The following KIAA0319L variants were observed in gnomAD, a reference collection of about 807,000 sequenced individuals.
KIAA0319L encodes the protein KIAA0319 like, also known as dyslexia-associated protein KIAA0319-like protein.
A neutral mutation model predicts 120.1 loss-of-function variants in KIAA0319L; 55 were observed. The observed-to-expected ratio is 0.46, with a 90% CI of 0.37 to 0.57. The LOEUF is 0.57. Among genes scored for constraint, KIAA0319L ranks in the 20% least tolerant of loss-of-function variants. KIAA0319L has a pLI of 0.00. For missense variants in KIAA0319L, 1,049 were observed against 1,255.3 expected (o/e 0.84, Z 2.48); for synonymous variants, 398 against 471.9 (o/e 0.84, Z 2.03).
chr1:35,515,784 T>A (rs1645655201), intron 2 of KIAA0319L, among the ~76,000 whole-genome samples: 1 of 151,636 alleles, frequency 6.6e-6, no homozygotes, highest in South Asian at 2.1e-4. Flanking sequence ...CTTGAAAAAA[T>A]TAATAAGATA....
Position 35,462,381 on chromosome 1 carries a change from T to C in KIAA0319L, c.1294+240A>G, listed in dbSNP as rs567383232. Among the ~76,000 whole-genome samples the C allele has an allele frequency of 1.2e-4, 19 of 152,348 alleles. No individual in the cohort carries two copies. In the South Asian group the frequency reaches 3.7e-3, roughly 30 times the overall value. Reference sequence around the variant, plus strand: ...TAATTACATGCATAGTTTCAGTTTCTTACCATCTCAAAGTGGAAATATTAC... The same window carrying C: ...TAATTACATGCATAGTTTCAGTTTCCTACCATCTCAAAGTGGAAATATTAC... On this transcript the variant is annotated intron_variant, in intron 8 of 20. Coordinates refer to ENST00000325722, the MANE Select transcript of KIAA0319L (RefSeq NM_024874.5).
intron 3 of KIAA0319L, among the ~76,000 whole-genome samples, chr1:35,496,946 CCAAAAAAA>C (rs1644831058): frequency 4.7e-5 from 3 of 64,394 alleles, no homozygotes; most frequent in African/African-American, 3.7e-4. Flanking sequence ...GATTGTGTCT[CCAAAAAAA>C]AAAAAAAAAA....
chr1:35,523,604 A>G (rs1243418036), intron 2 of KIAA0319L, among the ~76,000 whole-genome samples: 2 of 152,204 alleles, frequency 1.3e-5, no homozygotes, highest in Non-Finnish European at 2.9e-5. Context: ...TTGGTAGATG[A>G]GTAATGATTA....
intron 18 of KIAA0319L, 36 bp from the exon 19 acceptor site, chr1:35,442,372 G>A (rs1446038226): frequency 1.3e-6 from 2 of 1,512,596 alleles, no homozygotes; most frequent in Admixed American, 3.3e-5. Flanking sequence ...GGCTGTGGAG[G>A]GAGAGGCTGG....
At chr1:35,516,984 G>T (rs1392932948) in intron 2 of KIAA0319L, among the ~76,000 whole-genome samples, 2 of 151,784 alleles carry the variant, frequency 1.3e-5, no homozygotes, top group Non-Finnish European at 2.9e-5. Context: ...AAATACCTAG[G>T]AATACAGGTA....
intron 2 of KIAA0319L, chr1:35,532,948 G>A (rs1646429608): frequency 1.3e-5 from 2 of 152,124 alleles, no homozygotes; most frequent in South Asian, 4.1e-4. Context: ...AAAACAGGAG[G>A]CTCTGGAACT....
intron 3 of KIAA0319L, among the ~76,000 whole-genome samples, chr1:35,498,704 G>A (rs1161670408): frequency 2.0e-5 from 3 of 152,082 alleles, no homozygotes; most frequent in Non-Finnish European, 4.4e-5. Flanking sequence ...AGTCTGTAAC[G>A]CCACACACAG....
At chr1:35,540,677 G>C (rs896728773) in intron 2 of KIAA0319L, among the ~76,000 whole-genome samples, 1 of 152,172 alleles carries the variant, frequency 6.6e-6, no homozygotes, top group Non-Finnish European at 1.5e-5. Flanking sequence ...CTTGGCAGAA[G>C]GTTATTCTAT....
intron 1 of KIAA0319L, among the ~76,000 whole-genome samples, chr1:35,555,778 A>G (rs1647906132): frequency 6.6e-6 from 1 of 152,118 alleles, no homozygotes; most frequent in African/African-American, 2.4e-5. Flanking sequence ...AGGATTTAAA[A>G]CTCAAGGTGA....
At chr1:35,462,573 T>C (rs1335259866) in intron 8 of KIAA0319L, 48 bp downstream of exon 8, 1 of 1,438,732 alleles carries the variant, frequency 7.0e-7, no homozygotes, top group Non-Finnish European at 9.8e-7. Context: ...TCTATCAGAG[T>C]ACACGGTGAA....
intron 3 of KIAA0319L, among the ~76,000 whole-genome samples, chr1:35,490,372 T>C (rs1254004016): frequency 6.6e-6 from 1 of 152,134 alleles, no homozygotes; most frequent in Admixed American, 6.5e-5. Flanking sequence ...TGTTTGCAAA[T>C]AATTTAACCA....
chr1:35,434,830 C>G lies in KIAA0319L; in HGVS notation c.*64G>C, dbSNP rs549847818. Reference sequence around the variant, plus strand: ...CTGGGACAGCAGCTGCCCGCAGACTCGGGAGGTAGGAGGACTGGCCGGGCA... The same window carrying G: ...CTGGGACAGCAGCTGCCCGCAGACTGGGGAGGTAGGAGGACTGGCCGGGCA... On this transcript the variant is annotated 3_prime_UTR_variant, in exon 21 of 21. Coordinates refer to ENST00000325722, the MANE Select transcript of KIAA0319L (RefSeq NM_024874.5). 1 of 1,438,962 alleles carries G rather than the reference C, an allele frequency of 6.9e-7. No homozygotes were observed. The highest frequency in any genetic ancestry group is 1.4e-5 in the African/African-American group (1 of 70,348). 89.1% of individuals were successfully genotyped at this position (1,438,962 alleles called of 1,614,324 possible). A position where few individuals can be genotyped will look rare whatever the true frequency, so the allele number is the denominator to read the frequency against.
intron 17 of KIAA0319L, among the ~76,000 whole-genome samples, chr1:35,443,599 G>C (rs187095067): frequency 0.014 from 2,126 of 152,204 alleles, 22 homozygotes; most frequent in Non-Finnish European, 0.021. Context: ...TTGAACCCGG[G>C]GGGGCGGAGG....
chr1:35,516,508 T>C (rs1475273977), intron 2 of KIAA0319L, among the ~76,000 whole-genome samples: 1 of 152,192 alleles, frequency 6.6e-6, no homozygotes, highest in East Asian at 1.9e-4. Flanking sequence ...CATCCCTTCA[T>C]GTTAAAAACT....
chr1:35,516,220 T>C (rs1157814881), intron 2 of KIAA0319L, among the ~76,000 whole-genome samples: 1 of 152,176 alleles, frequency 6.6e-6, no homozygotes, highest in Non-Finnish European at 1.5e-5. Context: ...ATCATCCTGA[T>C]ACCAAAACTG....
intron 3 of KIAA0319L, among the ~76,000 whole-genome samples, chr1:35,487,235 T>G (rs1191698927): frequency 6.6e-6 from 1 of 152,156 alleles, no homozygotes; most frequent in African/African-American, 2.4e-5. Context: ...CAACAACTGA[T>G]ATCTCTGTGT....
In KIAA0319L at chr1:35,530,164, T is replaced by C. The variant is rs546242714; in HGVS notation, c.143-23029A>G. Among the ~76,000 whole-genome samples the C allele has an allele frequency of 5.9e-5, 9 of 152,068 alleles. No individual in the cohort carries two copies. In the East Asian group the frequency reaches 1.5e-3, roughly 26 times the overall value. ...AATCCTCCCACTTCAGCCTCCTGCG[T>C]AGCTGCGACTACAGGCATGCACCAC... On this transcript the variant is annotated intron_variant, in intron 2 of 20. Transcript: ENST00000325722.
chr1:35,531,599 A>G lies in KIAA0319L; in HGVS notation c.142+22751T>C, dbSNP rs571493077. 2.6e-5 allele frequency among the ~76,000 whole-genome samples: 4 copies of G among 152,262 alleles called. No homozygotes were observed. In the South Asian group the frequency reaches 8.3e-4, roughly 32 times the overall value. ...CCCTCTGCCAGTATCAGGGCCCACA[A>G]GGGTCAAAGCACTCTCTCGTGGCTA... On this transcript the variant is annotated intron_variant, in intron 2 of 20. Coordinates refer to ENST00000325722, the MANE Select transcript of KIAA0319L (RefSeq NM_024874.5).
chr1:35,492,563 C>T lies in KIAA0319L; in HGVS notation c.667-13351G>A, dbSNP rs527642132. 8.1e-4 allele frequency among the ~76,000 whole-genome samples: 123 copies of T among 151,648 alleles called. 1 individual carries two copies. The highest frequency in any genetic ancestry group is 2.9e-3 in the Admixed American group (44 of 15,236). ...TAATAATAATAATATCATGACCAAG[C>T]GGGGTTTACTCCAGGAATGTAAGGT... On this transcript the variant is annotated intron_variant, in intron 3 of 20. Coordinates refer to ENST00000325722, the MANE Select transcript of KIAA0319L (RefSeq NM_024874.5).
Sources: gnomAD v4.1 joint callset for allele counts (sites outside exome capture counted in the v4.1 genomes callset) on GRCh38, gnomAD v4.1.1 for gene constraint, MANE v1.5 for transcripts, NCBI Gene and HGNC (gene_info 2026-07-23, HGNC 2026-07-21) for gene names.